Variants in CNTN5 observed in about 807,000 individuals in gnomAD.
CNTN5 encodes the protein contactin 5, also known as contactin-5.
A neutral mutation model predicts 129.1 loss-of-function variants in CNTN5; 77 were observed. That is an observed-to-expected ratio of 0.60 (90% CI 0.50 to 0.72). The LOEUF (loss-of-function observed/expected upper bound fraction) is 0.72. CNTN5 is among the 30% of genes least tolerant of loss of function. CNTN5 has a pLI of 0.00. For missense variants in CNTN5, 1,478 were observed against 1,328.8 expected (o/e 1.11, Z -1.75); for synonymous variants, 509 against 465.6 (o/e 1.09, Z -1.20).
At chr11:99,744,968 C>T (rs146932912) in intron 3 of CNTN5, among the ~76,000 whole-genome samples, 182 of 152,138 alleles carry the variant, frequency 1.2e-3, no homozygotes, top group African/African-American at 4.1e-3. Context: ...CCCTACTATT[C>T]GATATCACAA....
intron 6 of CNTN5, among the ~76,000 whole-genome samples, chr11:99,873,096 C>A (rs1448787124): frequency 0.011 from 1 of 94 alleles, no homozygotes. Context: ...GTAACTGCCA[C>A]CCAGGCAGGA....
chr11:99,886,138 A>G (rs1404532597), intron 6 of CNTN5, among the ~76,000 whole-genome samples: 2 of 152,238 alleles, frequency 1.3e-5, no homozygotes, highest in Non-Finnish European at 2.9e-5. Flanking sequence ...TAAAACATAT[A>G]GAAATATCTT....
rs565363514 is a variant in CNTN5, at chr11:99,062,334, G to C, written c.-210+41064G>C. 3.9e-5 allele frequency among the ~76,000 whole-genome samples: 6 copies of C among 152,252 alleles called. No individual in the cohort carries two copies. The South Asian group carries it at 1.2e-3, about 32-fold the overall frequency. ...CATATGAGAACCAACATGTATACCA[G>C]TCTTTTAGATATAGCGGCCTACCTG... On this transcript the variant is annotated intron_variant, in intron 1 of 24. Transcript: ENST00000524871.
intron 4 of CNTN5, among the ~76,000 whole-genome samples, chr11:99,841,452 A>C (rs1227882466): frequency 6.6e-6 from 1 of 152,076 alleles, no homozygotes; most frequent in Non-Finnish European, 1.5e-5. Context: ...CTCCTCTAAG[A>C]AGCTTGGAGT....
At chr11:100,330,386 A>G (rs1951881243) in intron 21 of CNTN5, among the ~76,000 whole-genome samples, 1 of 152,228 alleles carries the variant, frequency 6.6e-6, no homozygotes, top group East Asian at 1.9e-4. Flanking sequence ...GAGAAATCTA[A>G]AAGTTTTGAA....
At chr11:99,796,416 A>G (rs984575005) in intron 3 of CNTN5, among the ~76,000 whole-genome samples, 7 of 151,972 alleles carry the variant, frequency 4.6e-5, no homozygotes, top group East Asian at 1.9e-4. Flanking sequence ...GCCATAGGCA[A>G]GTGTATGCTG....
chr11:99,242,787 C>T (rs1305257281), intron 1 of CNTN5, among the ~76,000 whole-genome samples: 2 of 152,092 alleles, frequency 1.3e-5, no homozygotes, highest in Non-Finnish European at 2.9e-5. Context: ...CCTCCAGCTC[C>T]ATTCATGTTG....
intron 2 of CNTN5, among the ~76,000 whole-genome samples, chr11:99,345,652 T>C (rs138904155): frequency 4.7e-4 from 71 of 152,346 alleles, no homozygotes; most frequent in African/African-American, 1.5e-3. Flanking sequence ...TTAATACCTG[T>C]GTTTTCCATC....
intron 2 of CNTN5, among the ~76,000 whole-genome samples, chr11:99,422,827 T>G (rs992540268): frequency 6.6e-6 from 1 of 152,014 alleles, no homozygotes; most frequent in African/African-American, 2.4e-5. Context: ...AAGAGTAGTT[T>G]GAACAAGGGG....
chr11:99,776,645 T>G (rs955302290), intron 3 of CNTN5, among the ~76,000 whole-genome samples: 1 of 151,574 alleles, frequency 6.6e-6, no homozygotes, highest in African/African-American at 2.4e-5. Flanking sequence ...CTGTTAACTT[T>G]TATTTTCAAC....
intron 2 of CNTN5, among the ~76,000 whole-genome samples, chr11:99,458,268 G>A (rs1504733): frequency 0.41 from 61,922 of 151,542 alleles, 13,266 homozygotes; most frequent in East Asian, 0.82. Flanking sequence ...AAATAAGTAA[G>A]TGAACATAAA....
chr11:100,069,528 C>A (rs1416956088), intron 10 of CNTN5, among the ~76,000 whole-genome samples: 1 of 152,052 alleles, frequency 6.6e-6, no homozygotes, highest in Non-Finnish European at 1.5e-5. Flanking sequence ...ACCACCTCTA[C>A]CGCAGCAAAA....
At chr11:99,292,656 A>T (rs986161903) in intron 1 of CNTN5, among the ~76,000 whole-genome samples, 8 of 151,948 alleles carry the variant, frequency 5.3e-5, no homozygotes, top group African/African-American at 1.9e-4. Flanking sequence ...TTTAAATTTT[A>T]TTTTTTTATT....
In CNTN5 at chr11:100,148,767, C is replaced by T. The variant is rs557551094; in HGVS notation, c.1581-42359C>T. On this transcript the variant is annotated intron_variant, in intron 13 of 24. Coordinates refer to ENST00000524871, the MANE Select transcript of CNTN5 (RefSeq NM_014361.4). Reference sequence around the variant, plus strand: ...TAATGGAAACTGGGCACTCTTGTAACATATAGGGAGTAGTCTATGCTCTTG... The same window carrying T: ...TAATGGAAACTGGGCACTCTTGTAATATATAGGGAGTAGTCTATGCTCTTG... Among the ~76,000 whole-genome samples the T allele has an allele frequency of 5.3e-5, 8 of 152,180 alleles. No homozygotes were observed. In the South Asian group the frequency reaches 6.2e-4, roughly 12 times the overall value.
At chr11:99,996,641 G>A (rs1939463657) in intron 8 of CNTN5, among the ~76,000 whole-genome samples, 1 of 151,980 alleles carries the variant, frequency 6.6e-6, no homozygotes, top group Non-Finnish European at 1.5e-5. Flanking sequence ...GTATTAGTCT[G>A]TTTTCACACT....
chr11:100,004,609 A>G (rs1023583075), intron 9 of CNTN5, among the ~76,000 whole-genome samples: 1 of 152,204 alleles, frequency 6.6e-6, no homozygotes, highest in Non-Finnish European at 1.5e-5. Flanking sequence ...TTTCAATAGA[A>G]TTTAGTAAAG....
chr11:99,752,371 T>G (rs2135225625), intron 3 of CNTN5, among the ~76,000 whole-genome samples: 1 of 152,322 alleles, frequency 6.6e-6, no homozygotes, highest in African/African-American at 2.4e-5. Context: ...AAAATGTCAT[T>G]AGCAAACTAC....
intron 6 of CNTN5, among the ~76,000 whole-genome samples, chr11:99,894,113 G>A (rs1392917572): frequency 6.6e-6 from 1 of 152,036 alleles, no homozygotes; most frequent in African/African-American, 2.4e-5. Context: ...AGTGACTGCT[G>A]TACTTACCAT....
intron 13 of CNTN5, among the ~76,000 whole-genome samples, chr11:100,164,759 A>G (rs1947570819): frequency 6.6e-6 from 1 of 151,842 alleles, no homozygotes; most frequent in Non-Finnish European, 1.5e-5. Context: ...GAAAACCAGC[A>G]TGTAATATTG....
Sources: gnomAD v4.1 joint callset for allele counts (sites outside exome capture counted in the v4.1 genomes callset) on GRCh38, gnomAD v4.1.1 for gene constraint, MANE v1.5 for transcripts, NCBI Gene and HGNC (gene_info 2026-07-23, HGNC 2026-07-21) for gene names.